Variants in RETREG1 observed in about 807,000 individuals in gnomAD.
RETREG1 encodes family with sequence similarity 134 member B.
RETREG1 carries 44 observed loss-of-function variants against 54.8 expected under a neutral mutation model. The observed-to-expected ratio is 0.80, with a 90% CI of 0.63 to 1.03. The LOEUF (loss-of-function observed/expected upper bound fraction) is 1.03. Ranked by LOEUF, RETREG1 falls within the 50% of genes least tolerant of loss-of-function variation. The pLI is 0.00. For synonymous variants in RETREG1, 217 were observed against 238.5 expected, an observed-to-expected ratio of 0.91 and a Z score of 0.83; for missense variants, 554 against 605.1, an observed-to-expected ratio of 0.92 and a Z score of 0.89.
intron 3 of RETREG1, among the ~76,000 whole-genome samples, chr5:16,532,735 T>C (rs1465144104): frequency 6.6e-6 from 1 of 152,240 alleles, no homozygotes; most frequent in African/African-American, 2.4e-5. Context: ...TCATTGTTTA[T>C]TAGTATCTTT....
intron 6 of RETREG1, among the ~76,000 whole-genome samples, 181 bp downstream of exon 6, chr5:16,478,669 T>C (rs1322317393): frequency 3.3e-5 from 5 of 152,106 alleles, no homozygotes; most frequent in Non-Finnish European, 4.4e-5. Flanking sequence ...AATTGTATAT[T>C]TGAGAAAAGA....
chr5:16,554,729 C>T (rs1340996453), intron 3 of RETREG1, among the ~76,000 whole-genome samples: 1 of 152,154 alleles, frequency 6.6e-6, no homozygotes, highest in Non-Finnish European at 1.5e-5. Context: ...TTTCGTGTCC[C>T]TATATATTCT....
At chr5:16,526,864 G>A (rs1326501398) in intron 3 of RETREG1, among the ~76,000 whole-genome samples, 3 of 152,210 alleles carry the variant, frequency 2.0e-5, no homozygotes, top group East Asian at 1.9e-4. Context: ...CAGGAGTGCT[G>A]CAGAGGATGC....
chr5:16,504,816 T>G (rs1739881602), intron 3 of RETREG1, among the ~76,000 whole-genome samples: 1 of 152,144 alleles, frequency 6.6e-6, no homozygotes, highest in South Asian at 2.1e-4. Context: ...AAAGTTGACA[T>G]ACGCTGGCTC....
At chr5:16,528,318 A>G (rs190293444) in intron 3 of RETREG1, among the ~76,000 whole-genome samples, 332 of 152,338 alleles carry the variant, frequency 2.2e-3, no homozygotes, top group Non-Finnish European at 3.3e-3. Context: ...CAGTGATTTT[A>G]CAGAGATTAC....
Position 16,478,971 on chromosome 5 carries a change from C to T in RETREG1, c.687G>A (p.Leu229=). 2.5e-6 allele frequency: 4 copies of T among 1,611,808 alleles called. No individual in the cohort carries two copies. Among genetic ancestry groups the T allele is most frequent in the Non-Finnish European group, 3.4e-6 (4 of 1,178,782 alleles). ...LSYLLLLCAF[L]CPLFKCNDIG... is the part of the protein sequence containing the mutation. The stretch of plus-strand genomic sequence containing the variant: ...TATCATTACATTTAAACAATGGACA[C>T]AAAAATGCACACAGTACTGAAAGAA... Residue 229 remains leucine, a synonymous_variant, in exon 6 of 9, where the codon TTG becomes TTA. Transcript: ENST00000306320.
At chr5:16,587,411 T>C (rs1249133945) in intron 1 of RETREG1, among the ~76,000 whole-genome samples, 1 of 152,172 alleles carries the variant, frequency 6.6e-6, no homozygotes, top group Admixed American at 6.5e-5. Context: ...TAAACTTGGG[T>C]CTTCTTGACT....
At chr5:16,580,104 A>G (rs1742442661) in intron 1 of RETREG1, among the ~76,000 whole-genome samples, 1 of 152,212 alleles carries the variant, frequency 6.6e-6, no homozygotes, top group Non-Finnish European at 1.5e-5. Context: ...TTCTTGTTTG[A>G]CACGTCCTAC....
At chr5:16,581,525 CA>C (rs113744363) in intron 1 of RETREG1, among the ~76,000 whole-genome samples, 115 of 37,586 alleles carry the variant, frequency 3.1e-3, no homozygotes, top group Middle Eastern at 0.026. Context: ...TTCAGAAACA[CA>C]ACACACACAC....
intron 1 of RETREG1, among the ~76,000 whole-genome samples, chr5:16,595,285 G>A (rs962940794): frequency 2.6e-5 from 4 of 151,800 alleles, no homozygotes; most frequent in African/African-American, 4.8e-5. Flanking sequence ...TTTAAGCACC[G>A]AGTGCATGTA....
At chr5:16,539,348 C>T (rs1189563518) in intron 3 of RETREG1, among the ~76,000 whole-genome samples, 1 of 152,166 alleles carries the variant, frequency 6.6e-6, no homozygotes, top group Admixed American at 6.5e-5. Flanking sequence ...GATGATGGGC[C>T]ATGAAACACA....
At chr5:16,600,227 C>G (rs1743015647) in intron 1 of RETREG1, among the ~76,000 whole-genome samples, 1 of 152,200 alleles carries the variant, frequency 6.6e-6, no homozygotes, top group South Asian at 2.1e-4. Context: ...TCCTGAACTC[C>G]TGACCTCAGG....
intron 2 of RETREG1, among the ~76,000 whole-genome samples, chr5:16,570,574 G>A (rs1742146434): frequency 6.6e-6 from 1 of 152,184 alleles, no homozygotes; most frequent in African/African-American, 2.4e-5. Flanking sequence ...GTGGCTTTAT[G>A]TCCTGAGATT....
chr5:16,478,456 G>A (rs1198277967), intron 6 of RETREG1, among the ~76,000 whole-genome samples: 3 of 152,024 alleles, frequency 2.0e-5, no homozygotes, highest in Non-Finnish European at 2.9e-5. Flanking sequence ...ACGTGACTCC[G>A]ATACATTCTA....
intron 1 of RETREG1, among the ~76,000 whole-genome samples, chr5:16,605,823 C>T (rs533309959): frequency 2.0e-5 from 3 of 152,066 alleles, no homozygotes; most frequent in Non-Finnish European, 4.4e-5. Flanking sequence ...TACCTCTGAC[C>T]CCTTTTATAA....
At chr5:16,544,359 A>G (rs1328548213) in intron 3 of RETREG1, among the ~76,000 whole-genome samples, 1 of 152,188 alleles carries the variant, frequency 6.6e-6, no homozygotes, top group African/African-American at 2.4e-5. Context: ...TTTTCTCCCA[A>G]TCTATGCCTT....
At chr5:16,487,984 G>C (rs1237324648) in intron 3 of RETREG1, among the ~76,000 whole-genome samples, 1 of 152,194 alleles carries the variant, frequency 6.6e-6, no homozygotes, top group Non-Finnish European at 1.5e-5. Context: ...GACACCCAGG[G>C]CACTGTTTAA....
intron 3 of RETREG1, among the ~76,000 whole-genome samples, chr5:16,501,048 T>C (rs1390792504): frequency 6.6e-6 from 1 of 152,188 alleles, no homozygotes; most frequent in Non-Finnish European, 1.5e-5. Context: ...TTGAGGTGTT[T>C]CCATTCAGTG....
chr5:16,540,846 T>A (rs1375399933), intron 3 of RETREG1, among the ~76,000 whole-genome samples: 2 of 152,192 alleles, frequency 1.3e-5, no homozygotes, highest in African/African-American at 4.8e-5. Context: ...CTCCCATGCA[T>A]CTTTTCCACT....
Sources: allele counts gnomAD v4.1 joint callset (sites outside exome capture counted in the v4.1 genomes callset), GRCh38; gene constraint gnomAD v4.1.1; transcripts MANE v1.5; gene names NCBI Gene and HGNC (gene_info 2026-07-23, HGNC 2026-07-21).